The following PTPRK variants were observed in gnomAD, a reference collection of about 807,000 sequenced individuals.
The protein encoded by PTPRK is protein tyrosine phosphatase receptor type K.
Under a neutral mutation model 178.0 loss-of-function variants are expected in PTPRK, and 75 were observed. The ratio of observed to expected loss-of-function variants is 0.42; its 90% confidence interval spans 0.35 to 0.51. The LOEUF (loss-of-function observed/expected upper bound fraction) is 0.51. PTPRK is among the 20% of genes least tolerant of loss of function. The pLI, the probability that PTPRK is intolerant of heterozygous loss-of-function variation, is 0.02. For synonymous variants in PTPRK, 637 were observed against 620.6 expected (o/e 1.03, Z -0.39); for missense variants, 1,441 against 1,797.8 (o/e 0.80, Z 3.59).
chr6:128,081,521 GAC>G (rs1218047860), intron 10 of PTPRK, among the ~76,000 whole-genome samples: 4 of 151,852 alleles, frequency 2.6e-5, no homozygotes, highest in South Asian at 2.1e-4. Context: ...AAAAATGAAA[GAC>G]ATATTTTATG....
At chr6:128,490,411 G>C (rs1295190614) in intron 1 of PTPRK, among the ~76,000 whole-genome samples, 1 of 152,130 alleles carries the variant, frequency 6.6e-6, no homozygotes, top group Non-Finnish European at 1.5e-5. Flanking sequence ...TATAGCCCAA[G>C]GTGAACAGTC....
chr6:128,083,859 C>T (rs376046499), intron 8 of PTPRK, 35 bp from the exon 9 acceptor site: 23 of 1,223,422 alleles, frequency 1.9e-5, no homozygotes, highest in East Asian at 1.6e-4. Flanking sequence ...TATGAAAATG[C>T]TTACATTAGA....
intron 3 of PTPRK, among the ~76,000 whole-genome samples, chr6:128,316,303 T>A (rs962597715): frequency 2.6e-5 from 4 of 152,170 alleles, no homozygotes; most frequent in African/African-American, 4.8e-5. Context: ...TCCCCTTAGA[T>A]AAAACAAACT....
At chr6:128,103,827 T>G (rs1485457192) in intron 7 of PTPRK, among the ~76,000 whole-genome samples, 1 of 152,168 alleles carries the variant, frequency 6.6e-6, no homozygotes, top group Non-Finnish European at 1.5e-5. Context: ...TTGACCTGTC[T>G]TCCCACAGTT....
intron 2 of PTPRK, among the ~76,000 whole-genome samples, chr6:128,375,879 A>C (rs1338955557): frequency 6.6e-6 from 1 of 152,224 alleles, no homozygotes; most frequent in Non-Finnish European, 1.5e-5. Context: ...CAGGGCAGTC[A>C]AATCTTAAAT....
At chr6:128,497,492 T>C (rs1021984953) in intron 1 of PTPRK, among the ~76,000 whole-genome samples, 3 of 152,138 alleles carry the variant, frequency 2.0e-5, no homozygotes, top group Non-Finnish European at 4.4e-5. Context: ...ATAGGTTGCT[T>C]TAAATACTTG....
At chr6:127,978,383 T>C (rs13193097) in intron 25 of PTPRK, among the ~76,000 whole-genome samples, 1 of 152,042 alleles carries the variant, frequency 6.6e-6, no homozygotes, top group South Asian at 2.1e-4. Flanking sequence ...CATCTGGTGG[T>C]TTTATAAGGG....
At chr6:128,172,665 C>T (rs890588337) in intron 7 of PTPRK, among the ~76,000 whole-genome samples, 1 of 145,072 alleles carries the variant, frequency 6.9e-6, no homozygotes, top group Non-Finnish European at 1.5e-5. Flanking sequence ...ATATACACAC[C>T]CACTATAGAT....
At chr6:128,365,961 T>C (rs1263044309) in intron 2 of PTPRK, among the ~76,000 whole-genome samples, 3 of 152,160 alleles carry the variant, frequency 2.0e-5, no homozygotes, top group Non-Finnish European at 4.4e-5. Flanking sequence ...TCTCTGAATC[T>C]TTCTGCAAAC....
intron 2 of PTPRK, among the ~76,000 whole-genome samples, chr6:128,357,091 G>A (rs966569789): frequency 1.3e-5 from 2 of 152,156 alleles, no homozygotes; most frequent in African/African-American, 4.8e-5. Flanking sequence ...TGAGGATGGA[G>A]GCTGGAAGTC....
chr6:128,484,584 A>G (rs550596175), intron 1 of PTPRK, among the ~76,000 whole-genome samples: 14 of 152,316 alleles, frequency 9.2e-5, no homozygotes, highest in African/African-American at 3.1e-4. Flanking sequence ...CCCCATGGTT[A>G]CAAGTAAACT....
chr6:128,245,437 A>C (rs1231192216), intron 3 of PTPRK, among the ~76,000 whole-genome samples: 1 of 152,222 alleles, frequency 6.6e-6, no homozygotes, highest in African/African-American at 2.4e-5. Context: ...AACCCTTTCC[A>C]TTCTCACACT....
chr6:128,249,713 C>T (rs1003701691), intron 3 of PTPRK, among the ~76,000 whole-genome samples: 40 of 151,964 alleles, frequency 2.6e-4, no homozygotes, highest in African/African-American at 7.0e-4. Context: ...GTCAGGAAGA[C>T]GATGAGCCTT....
intron 5 of PTPRK, among the ~76,000 whole-genome samples, chr6:128,227,976 G>A (rs1174563523): frequency 6.6e-6 from 1 of 152,028 alleles, no homozygotes; most frequent in Non-Finnish European, 1.5e-5. Context: ...CAGGGGATAG[G>A]GGGCTAGGGG....
intron 1 of PTPRK, among the ~76,000 whole-genome samples, chr6:128,439,904 A>G (rs1348935924): frequency 1.3e-5 from 2 of 152,244 alleles, no homozygotes; most frequent in Non-Finnish European, 2.9e-5. Context: ...AAGAAAGAAG[A>G]ATATCCCACC....
At chr6:128,489,031 AT>A (rs1853382418) in intron 1 of PTPRK, among the ~76,000 whole-genome samples, 1 of 152,040 alleles carries the variant, frequency 6.6e-6, no homozygotes, top group African/African-American at 2.4e-5. Context: ...CATAATTTAC[AT>A]TTCTTTATTT....
chr6:128,308,827 C>T (rs866296626), intron 3 of PTPRK, among the ~76,000 whole-genome samples: 8 of 152,162 alleles, frequency 5.3e-5, no homozygotes, highest in South Asian at 4.1e-4. Context: ...TCTTAAGTTT[C>T]ATAAACTTTC....
chr6:128,192,752 A>G lies in PTPRK; in HGVS notation c.869-8027T>C, dbSNP rs897922197. Among the ~76,000 whole-genome samples the G allele has an allele frequency of 2.0e-5, 3 of 149,624 alleles. No individual in the cohort carries two copies. The East Asian group carries it at 6.1e-4, about 30-fold the overall frequency. On this transcript the variant is annotated intron_variant, in intron 6 of 29. Coordinates refer to ENST00000368226, the MANE Select transcript of PTPRK (RefSeq NM_002844.4). ...GATCACCTGAGCCTGGGAAAGTTGA[A>G]GCTGTAGTGAACCAGGATCACGCTA...
intron 1 of PTPRK, among the ~76,000 whole-genome samples, chr6:128,475,199 A>T (rs566511318): frequency 6.6e-6 from 1 of 152,176 alleles, no homozygotes; most frequent in East Asian, 1.9e-4. Context: ...TTGTTTCCTC[A>T]TTTATAAAAT....
Sources: allele counts gnomAD v4.1 joint callset (sites outside exome capture counted in the v4.1 genomes callset), GRCh38; gene constraint gnomAD v4.1.1; transcripts MANE v1.5; gene names NCBI Gene and HGNC (gene_info 2026-07-23, HGNC 2026-07-21).